Variants in SPIDR observed in about 807,000 individuals in gnomAD.
The protein encoded by SPIDR is scaffold protein involved in DNA repair, also known as DNA repair-scaffolding protein.
A neutral mutation model predicts 104.6 loss-of-function variants in SPIDR; 93 were observed. That is an observed-to-expected ratio of 0.89 (90% CI 0.75 to 1.06). The LOEUF is 1.06. Ranked by LOEUF, SPIDR falls within the 50% of genes least tolerant of loss-of-function variation. SPIDR has a pLI of 0.00. For synonymous variants in SPIDR, 431 were observed against 416.9 expected, an observed-to-expected ratio of 1.03 and a Z score of -0.41; for missense variants, 1,154 against 1,111.2, an observed-to-expected ratio of 1.04 and a Z score of -0.55.
chr8:47,580,263 C>T (rs1371973614), intron 8 of SPIDR, among the ~76,000 whole-genome samples: 2 of 152,146 alleles, frequency 1.3e-5, no homozygotes, highest in African/African-American at 4.8e-5. Flanking sequence ...CACTAAATAA[C>T]CCTAGTTTTT....
rs529214577 is a variant in SPIDR at position 47,700,195 on chromosome 8, G to T, written c.1686-208G>T. Among the ~76,000 whole-genome samples, 3 of 152,284 alleles carry T rather than the reference G, an allele frequency of 2.0e-5. No individual in the cohort carries two copies. The East Asian group carries it at 5.8e-4, about 29-fold the overall frequency. ...CACTGTGTGGATGGATCCTAATTTA[G>T]TGAGCAAGTTCCTGTTGTGCAGTTG... On this transcript the variant is annotated intron_variant, in intron 11 of 19. Coordinates refer to ENST00000297423, the MANE Select transcript of SPIDR (RefSeq NM_001080394.4).
chr8:47,675,618 C>G (rs565550689), intron 11 of SPIDR, among the ~76,000 whole-genome samples: 1 of 152,058 alleles, frequency 6.6e-6, no homozygotes, highest in Admixed American at 6.5e-5. Flanking sequence ...TGAGACCAGC[C>G]TAGCCAACAT....
At chr8:47,420,058 G>C (rs559910722) in intron 7 of SPIDR, among the ~76,000 whole-genome samples, 29 of 152,314 alleles carry the variant, frequency 1.9e-4, no homozygotes, top group Admixed American at 1.4e-3. Flanking sequence ...TTTGGAATAG[G>C]TGTGGTGTGG....
chr8:47,503,759 G>A (rs1586804046), intron 8 of SPIDR, among the ~76,000 whole-genome samples: 1 of 152,120 alleles, frequency 6.6e-6, no homozygotes, highest in Admixed American at 6.6e-5. Flanking sequence ...GCATGTTTTT[G>A]CAGTGGCTGG....
At chr8:47,668,765 T>C (rs1225206065) in intron 10 of SPIDR, among the ~76,000 whole-genome samples, 3 of 152,154 alleles carry the variant, frequency 2.0e-5, no homozygotes, top group African/African-American at 7.2e-5. Flanking sequence ...AATTGATGGA[T>C]TACAAAAGTT....
chr8:47,449,011 C>G (rs529225461), intron 8 of SPIDR, among the ~76,000 whole-genome samples: 1 of 151,832 alleles, frequency 6.6e-6, no homozygotes, highest in South Asian at 2.1e-4. Context: ...CTGATTCACC[C>G]TTTAAAGTCT....
intron 8 of SPIDR, among the ~76,000 whole-genome samples, chr8:47,594,714 C>T (rs897458423): frequency 6.6e-6 from 1 of 152,012 alleles, no homozygotes; most frequent in African/African-American, 2.4e-5. Flanking sequence ...AAACCCAGGG[C>T]CGGGCACAGT....
At chr8:47,491,762 A>G (rs1378204698) in intron 8 of SPIDR, among the ~76,000 whole-genome samples, 1 of 152,120 alleles carries the variant, frequency 6.6e-6, no homozygotes, top group Non-Finnish European at 1.5e-5. Context: ...AGGCAGGAAG[A>G]TAGTTTGAGC....
chr8:47,450,299 G>C (rs2071463720), intron 8 of SPIDR, among the ~76,000 whole-genome samples: 1 of 152,182 alleles, frequency 6.6e-6, no homozygotes, highest in African/African-American at 2.4e-5. Flanking sequence ...GAGCACAAAA[G>C]CAAGAGGGAG....
chr8:47,277,779 A>G lies in SPIDR; in HGVS notation c.34-2083A>G, dbSNP rs376239452. On this transcript the variant is annotated intron_variant, in intron 1 of 19. Transcript: ENST00000297423. ...AACCTCCGCCTCCTGGGTTCAAGCAATTCTCCTGCCTCAGCCTCCCGAGTA... is the reference window on the plus strand; with the variant it reads ...AACCTCCGCCTCCTGGGTTCAAGCAGTTCTCCTGCCTCAGCCTCCCGAGTA... Among the ~76,000 whole-genome samples the G allele has an allele frequency of 1.2e-4, 18 of 151,066 alleles. No individual in the cohort carries two copies. The East Asian group carries it at 2.9e-3, about 25-fold the overall frequency.
chr8:47,438,231 T>G (rs1192595741), intron 7 of SPIDR, among the ~76,000 whole-genome samples: 1 of 152,222 alleles, frequency 6.6e-6, no homozygotes. Context: ...CATGGAGCCC[T>G]GACAGCTGCT....
chr8:47,697,097 C>T (rs957217358), intron 11 of SPIDR, among the ~76,000 whole-genome samples: 5 of 152,026 alleles, frequency 3.3e-5, no homozygotes, highest in Non-Finnish European at 7.4e-5. Flanking sequence ...TGAGGGGTGT[C>T]TCCAAGGGCT....
intron 5 of SPIDR, among the ~76,000 whole-genome samples, chr8:47,335,128 A>G (rs985106029): frequency 2.6e-5 from 4 of 152,208 alleles, no homozygotes; most frequent in Non-Finnish European, 4.4e-5. Flanking sequence ...TGCTGTTACT[A>G]TTTTGACCAA....
intron 8 of SPIDR, among the ~76,000 whole-genome samples, chr8:47,508,847 CT>C (rs2081892118): frequency 6.6e-6 from 1 of 152,116 alleles, no homozygotes; most frequent in Admixed American, 6.5e-5. Context: ...CCGGTTGTTT[CT>C]TTTTCTCCTC....
intron 10 of SPIDR, among the ~76,000 whole-genome samples, chr8:47,629,479 G>A (rs1303237993): frequency 6.6e-6 from 1 of 152,240 alleles, no homozygotes; most frequent in Non-Finnish European, 1.5e-5. Context: ...AGGGCCAGGT[G>A]TGGTGGCTCA....
At chr8:47,394,549 G>A (rs752336369) in intron 5 of SPIDR, among the ~76,000 whole-genome samples, 3 of 152,208 alleles carry the variant, frequency 2.0e-5, no homozygotes, top group African/African-American at 4.8e-5. Context: ...GTCATCTAGC[G>A]GGGAGAGGCG....
At chr8:47,311,079 C>T (rs782188222) in intron 5 of SPIDR, among the ~76,000 whole-genome samples, 35 of 151,972 alleles carry the variant, frequency 2.3e-4, no homozygotes, top group Non-Finnish European at 4.4e-4. Context: ...AAAATATGTA[C>T]ACCATGAATA....
intron 8 of SPIDR, among the ~76,000 whole-genome samples, chr8:47,594,700 A>C (rs2061451810): frequency 6.6e-6 from 1 of 151,954 alleles, no homozygotes; most frequent in African/African-American, 2.4e-5. Context: ...AAGAGGCAAA[A>C]AGAAAACCCA....
rs1291296885 is a variant in SPIDR, at chr8:47,438,490, T to A, written c.878-1833T>A. 2.6e-5 allele frequency among the ~76,000 whole-genome samples: 4 copies of A among 152,214 alleles called. No homozygotes were observed. The East Asian group carries it at 5.8e-4, about 22-fold the overall frequency. On this transcript the variant is annotated intron_variant, in intron 7 of 19. Coordinates refer to ENST00000297423, the MANE Select transcript of SPIDR (RefSeq NM_001080394.4). ...GAAGTGACTTCCACATTATCCTGATTTCTTTTCCAGTTTACCAATTGAAGA... is the reference window on the plus strand; with the variant it reads ...GAAGTGACTTCCACATTATCCTGATATCTTTTCCAGTTTACCAATTGAAGA...
Sources: allele counts gnomAD v4.1 joint callset (sites outside exome capture counted in the v4.1 genomes callset), GRCh38; gene constraint gnomAD v4.1.1; transcripts MANE v1.5; gene names NCBI Gene and HGNC (gene_info 2026-07-23, HGNC 2026-07-21).